BNIP3L: variants seen among roughly 807,000 people sequenced by gnomAD.
BNIP3L encodes BCL2 interacting protein 3 like.
BNIP3L carries 10 observed loss-of-function variants against 25.5 expected under a neutral mutation model. That is an observed-to-expected ratio of 0.39 (90% CI 0.24 to 0.67). The LOEUF (loss-of-function observed/expected upper bound fraction) is 0.67. BNIP3L is among the 30% of genes least tolerant of loss of function. The pLI is 0.45. For missense variants in BNIP3L, 215 were observed against 270.9 expected (o/e 0.79, Z 1.45); for synonymous variants, 113 against 101.2 (o/e 1.12, Z -0.70).
intron 3 of BNIP3L, among the ~76,000 whole-genome samples, chr8:26,407,374 C>T (rs911874262): frequency 2.0e-5 from 3 of 151,736 alleles, no homozygotes; most frequent in Non-Finnish European, 4.4e-5. Context: ...TTTTAGTAGA[C>T]ACAGGGTTTC....
rs145124915 is a variant in BNIP3L, at chr8:26,395,568, A to G, written c.357+266A>G. ...TACTCCAGGCTAGTTTCTTGAGTGT[A>G]TAAGTAGAAAAAGACTGAGATAGAT... On this transcript the variant is annotated intron_variant, in intron 3 of 5. Transcript: ENST00000380629. 1.3e-3 allele frequency: 486 copies of G among 380,286 alleles called. 2 individuals are homozygous for G. Among genetic ancestry groups the G allele is most frequent in the African/African-American group, 9.1e-3 (435 of 47,938 alleles). 23.6% of individuals were successfully genotyped at this position (380,286 alleles called of 1,614,324 possible).
chr8:26,400,676 G>T (rs1164405513), intron 3 of BNIP3L, among the ~76,000 whole-genome samples: 2 of 104,742 alleles, frequency 1.9e-5, no homozygotes, highest in Admixed American at 1.0e-4. Context: ...TCTGACAAAG[G>T]GCTAATATCC....
chr8:26,387,224 G>T (rs1806011669), intron 1 of BNIP3L, among the ~76,000 whole-genome samples: 1 of 152,164 alleles, frequency 6.6e-6, no homozygotes. Context: ...ACCCTTCACA[G>T]TCTATTATGT....
chr8:26,408,296 A>AG lies in BNIP3L; in HGVS notation c.536dup (p.Ile180TyrfsTer52). On this transcript the variant is annotated frameshift_variant, in exon 5 of 6. Coordinates refer to ENST00000380629, the MANE Select transcript of BNIP3L (RefSeq NM_004331.3). LOFTEE classifies it high-confidence loss of function. ...TGAGGAAAAGTGGAGCCATGAAGAA[A>AG]GGGGGTATTTTCTCCGCAGAATTTC... is the stretch of plus-strand genomic sequence containing the variant. 1 of 1,614,140 alleles carries AG rather than the reference A, an allele frequency of 6.2e-7. No individual in the cohort carries two copies. Among genetic ancestry groups the AG allele is most frequent in the Non-Finnish European group, 8.5e-7 (1 of 1,179,998 alleles).
Position 26,385,451 on chromosome 8 carries a change from A to T in BNIP3L, c.100+2221A>T, listed in dbSNP as rs945626404. 9.9e-5 allele frequency among the ~76,000 whole-genome samples: 15 copies of T among 151,988 alleles called. No individual in the cohort carries two copies. The East Asian group carries it at 2.4e-3, about 24-fold the overall frequency. ...AACCCCCTCTCTACTGAAAATACAA[A>T]AATTAGCCTGGCTTGGTGTTGGGCG... On this transcript the variant is annotated intron_variant, in intron 1 of 5. Coordinates refer to ENST00000380629, the MANE Select transcript of BNIP3L (RefSeq NM_004331.3).
At chr8:26,403,089 C>T (rs1367310878) in intron 3 of BNIP3L, among the ~76,000 whole-genome samples, 1 of 152,036 alleles carries the variant, frequency 6.6e-6, no homozygotes, top group Non-Finnish European at 1.5e-5. Flanking sequence ...GGACCAAATC[C>T]CTAAAAGAGC....
At chr8:26,400,148 T>G (rs2117483912) in intron 3 of BNIP3L, among the ~76,000 whole-genome samples, 1 of 151,222 alleles carries the variant, frequency 6.6e-6, no homozygotes, top group South Asian at 2.1e-4. Context: ...GGCATCACAC[T>G]ACCTGACTTC....
At chr8:26,386,388 G>T (rs550872980) in intron 1 of BNIP3L, among the ~76,000 whole-genome samples, 1 of 152,242 alleles carries the variant, frequency 6.6e-6, no homozygotes, top group African/African-American at 2.4e-5. Flanking sequence ...AATTCTTGTT[G>T]TTGAGAAGTA....
At chr8:26,387,174 T>C (rs1438877533) in intron 1 of BNIP3L, among the ~76,000 whole-genome samples, 1 of 152,192 alleles carries the variant, frequency 6.6e-6, no homozygotes, top group African/African-American at 2.4e-5. Flanking sequence ...GTAAAGATTA[T>C]ACAACATACG....
Position 26,397,496 on chromosome 8 carries a change from C to T in BNIP3L, c.357+2194C>T, listed in dbSNP as rs1206159504. Among the ~76,000 whole-genome samples, 9 of 129,134 alleles carry T rather than the reference C, an allele frequency of 7.0e-5. No individual in the cohort carries two copies. In the East Asian group the frequency reaches 8.7e-4, roughly 12 times the overall value. 84.7% of individuals were successfully genotyped at this position (129,134 alleles called of 152,430 possible). A position where few individuals can be genotyped will look rare whatever the true frequency, so the allele number is the denominator to read the frequency against. ...AGCGCTAAACATGGAAAGGAACAAC[C>T]GGTACCAGCTGCTGCAAAATCATGC... is the stretch of plus-strand genomic sequence containing the variant. On this transcript the variant is annotated intron_variant, in intron 3 of 5. Transcript: ENST00000380629.
At chr8:26,391,109 T>G in intron 1 of BNIP3L, 134 bp from the exon 2 acceptor site, 1 of 684,306 alleles carries the variant, frequency 1.5e-6, no homozygotes, top group African/African-American at 1.8e-5. Flanking sequence ...ACTTCTTATT[T>G]ATTTTCTTCA....
At chr8:26,408,521 CA>C (rs1585441986) in intron 5 of BNIP3L, 145 bp downstream of exon 5, 1 of 950,488 alleles carries the variant, frequency 1.1e-6, no homozygotes, top group Non-Finnish European at 1.6e-6. Flanking sequence ...AGTGGGTGCA[CA>C]ATTGTTCTAC....
chr8:26,398,793 A>G (rs890798869), intron 3 of BNIP3L, among the ~76,000 whole-genome samples: 18 of 152,224 alleles, frequency 1.2e-4, no homozygotes, highest in African/African-American at 4.3e-4. Flanking sequence ...AAACACCTCT[A>G]CGCAAATAAA....
chr8:26,393,981 A>G (rs552490404), intron 2 of BNIP3L, among the ~76,000 whole-genome samples: 3 of 152,316 alleles, frequency 2.0e-5, no homozygotes, highest in South Asian at 2.1e-4. Context: ...CAACGTCTCT[A>G]TACATTAATT....
intron 3 of BNIP3L, among the ~76,000 whole-genome samples, chr8:26,401,490 A>G (rs28674668): frequency 0.71 from 104,771 of 147,946 alleles, 37,341 homozygotes; most frequent in East Asian, 0.87. Flanking sequence ...TGGGTGCAGC[A>G]CACCAGCATG....
chr8:26,383,206 C>T lies in BNIP3L; in HGVS notation c.76C>T (p.Leu26=). 1 of 1,611,406 alleles carries T rather than the reference C, an allele frequency of 6.2e-7. No homozygotes were observed. The highest frequency in any genetic ancestry group is 8.5e-7 in the Non-Finnish European group (1 of 1,179,468). Residue 26 remains leucine (L), a synonymous_variant, in exon 1 of 6, where the codon CTG becomes TTG. Coordinates refer to ENST00000380629, the MANE Select transcript of BNIP3L (RefSeq NM_004331.3). ...NNNCEENEQS[L]PPPAGLNSSW... The stretch of plus-strand genomic sequence containing the variant: ...CAACTGCGAGGAAAATGAGCAGTCT[C>T]TGCCCCCGCCGGCCGGCCTCAACAG...
intron 3 of BNIP3L, among the ~76,000 whole-genome samples, chr8:26,400,629 A>G (rs1157216750): frequency 1.5e-5 from 2 of 137,712 alleles, no homozygotes; most frequent in East Asian, 4.0e-4. Flanking sequence ...TGAACAGGCA[A>G]CCTACAACAT....
At chr8:26,405,026 G>T (rs1343418636) in intron 3 of BNIP3L, among the ~76,000 whole-genome samples, 2 of 152,116 alleles carry the variant, frequency 1.3e-5, no homozygotes, top group African/African-American at 2.4e-5. Context: ...TTAAAGTATT[G>T]TAAGTTGGGA....
rs1471939174 is a variant in BNIP3L at position 26,411,146 on chromosome 8, T to G, written c.*734T>G. On this transcript the variant is annotated 3_prime_UTR_variant, in exon 6 of 6. Coordinates refer to ENST00000380629, the MANE Select transcript of BNIP3L (RefSeq NM_004331.3). ...TGTTGTAATGCTGTCTTTTCTATGGTGTAGAATCTTTCTTTCTGATAAGGA... is the reference window on the plus strand; with the variant it reads ...TGTTGTAATGCTGTCTTTTCTATGGGGTAGAATCTTTCTTTCTGATAAGGA... 6.6e-6 allele frequency: 1 copy of G among 151,020 alleles called. No individual in the cohort carries two copies. Among genetic ancestry groups the G allele is most frequent in the Non-Finnish European group, 1.5e-5 (1 of 67,108 alleles). 9.4% of individuals were successfully genotyped at this position (151,020 alleles called of 1,614,324 possible).
Sources: allele counts gnomAD v4.1 joint callset (sites outside exome capture counted in the v4.1 genomes callset), GRCh38; gene constraint gnomAD v4.1.1; transcripts MANE v1.5; gene names NCBI Gene and HGNC (gene_info 2026-07-23, HGNC 2026-07-21).